Variants in ATAD1 observed in about 807,000 individuals in gnomAD.
ATAD1 encodes the protein outer mitochondrial transmembrane helix translocase.
ATAD1 carries 18 observed loss-of-function variants against 42.7 expected under a neutral mutation model. That is an observed-to-expected ratio of 0.42 (90% confidence interval 0.29 to 0.63). ATAD1 has a LOEUF of 0.63. Among genes scored for constraint, ATAD1 ranks in the 20% least tolerant of loss-of-function variants. ATAD1 has a pLI of 0.19. For missense variants in ATAD1, 294 were observed against 440.4 expected (o/e 0.67, Z 2.98); for synonymous variants, 132 against 143.1 (o/e 0.92, Z 0.55).
At chr10:87,768,133 C>T (rs1416181377) in intron 7 of ATAD1, among the ~76,000 whole-genome samples, 1 of 152,010 alleles carries the variant, frequency 6.6e-6, no homozygotes, top group Admixed American at 6.5e-5. Context: ...CTTCTCAGTT[C>T]CTCCATTTCC....
chr10:87,767,602 A>G, intron 8 of ATAD1, 71 bp downstream of exon 8: 1 of 1,392,774 alleles, frequency 7.2e-7, no homozygotes, highest in South Asian at 1.2e-5. Context: ...TTCCTTCCTC[A>G]TTTTTCTCTA....
chr10:87,768,761 T>C (rs1854886563), intron 7 of ATAD1, among the ~76,000 whole-genome samples: 1 of 152,202 alleles, frequency 6.6e-6, no homozygotes, highest in Admixed American at 6.5e-5. Flanking sequence ...CATGCTACTG[T>C]ATCCTATGTT....
upstream of ATAD1, chr10:87,818,301 C>T (rs1321004508): frequency 4.1e-6 from 4 of 977,258 alleles, no homozygotes; most frequent in South Asian, 4.7e-5. Flanking sequence ...CCGCGGTCGC[C>T]GGCGCGGAGG....
intron 2 of ATAD1, among the ~76,000 whole-genome samples, chr10:87,811,306 C>G (rs1035290860): frequency 6.7e-6 from 1 of 148,842 alleles, no homozygotes; most frequent in African/African-American, 2.5e-5. Flanking sequence ...GCACTCCAGC[C>G]TGTGCAACAC....
rs1855742104 is a variant in ATAD1, at chr10:87,784,690, T to G, written c.383-20A>C. 6.2e-7 allele frequency: 1 copy of G among 1,604,928 alleles called. No individual in the cohort carries two copies. On this transcript the variant is annotated intron_variant, in intron 4 of 9. Transcript: ENST00000680024. ...GAACACCTGGAAATGAATATGTTAT[T>G]TATTACCTTTAAGGGGATATTTGCT...
chr10:87,784,409 G>A, intron 5 of ATAD1, 61 bp downstream of exon 5: 1 of 1,491,440 alleles, frequency 6.7e-7, no homozygotes, highest in Non-Finnish European at 9.3e-7. Flanking sequence ...AACTAAATCT[G>A]GTTATCTAAA....
At chr10:87,793,590 T>C (rs902544492) in intron 2 of ATAD1, among the ~76,000 whole-genome samples, 4 of 152,160 alleles carry the variant, frequency 2.6e-5, no homozygotes, top group Admixed American at 2.0e-4. Context: ...AGAAACAAGA[T>C]ATGAATTCAA....
rs780482103 is a variant in ATAD1 at position 87,754,759 on chromosome 10, C to T, written c.1014G>A (p.Arg338=). 1.2e-6 allele frequency: 2 copies of T among 1,613,682 alleles called. No homozygotes were observed. Among genetic ancestry groups the T allele is most frequent in the East Asian group, 2.2e-5 (1 of 44,830 alleles). The part of the protein sequence containing the change: ...IRPVQQQDLH[R]AIEKMKKSKD... ...TTGATTTCTTCATCTTTTCAATTGC[C>T]CGATGCAGGTCCTGCTGTTGAACAG... is the stretch of plus-strand genomic sequence containing the variant. The change falls in exon 10 of 10, where the codon CGG becomes CGA. Residue 338 remains arginine, a synonymous_variant. Transcript: ENST00000680024.
intron 1 of ATAD1, among the ~76,000 whole-genome samples, chr10:87,829,608 A>C (rs1309059026): frequency 6.6e-6 from 1 of 152,206 alleles, no homozygotes; most frequent in Non-Finnish European, 1.5e-5. Flanking sequence ...GGGAGGTCAA[A>C]ATATTAACAT....
At chr10:87,812,243 C>A (rs967331333) in intron 2 of ATAD1, among the ~76,000 whole-genome samples, 1 of 152,060 alleles carries the variant, frequency 6.6e-6, no homozygotes, top group African/African-American at 2.4e-5. Flanking sequence ...TGAGTTAAGC[C>A]TACAGAAGTC....
chr10:87,762,301 G>A (rs1485561918), intron 8 of ATAD1, among the ~76,000 whole-genome samples: 2 of 152,150 alleles, frequency 1.3e-5, no homozygotes, highest in Non-Finnish European at 2.9e-5. Context: ...CTCCAAAATT[G>A]TAACTACCTT....
intron 2 of ATAD1, among the ~76,000 whole-genome samples, chr10:87,799,192 C>T (rs1856560563): frequency 6.6e-6 from 1 of 152,082 alleles, no homozygotes; most frequent in African/African-American, 2.4e-5. Context: ...TTTTTGTTTG[C>T]ATTTATTAAT....
chr10:87,804,804 A>G (rs566857040), intron 2 of ATAD1, among the ~76,000 whole-genome samples: 2 of 152,310 alleles, frequency 1.3e-5, no homozygotes, highest in South Asian at 4.1e-4. Context: ...TTCATCAAAA[A>G]CATAGCTTAT....
At chr10:87,804,855 G>A (rs1004325669) in intron 2 of ATAD1, among the ~76,000 whole-genome samples, 1 of 152,072 alleles carries the variant, frequency 6.6e-6, no homozygotes, top group African/African-American at 2.4e-5. Context: ...CCAAGCAGCA[G>A]TATGTGCCCA....
At chr10:87,819,202 G>A (rs917796799), upstream of ATAD1, 3 of 133,566 alleles carry the variant, frequency 2.2e-5, no homozygotes, top group Non-Finnish European at 4.6e-5. Context: ...CGAAGCGAGA[G>A]GATCACTTGA....
chr10:87,827,945 T>C (rs1008991606), intron 1 of ATAD1, among the ~76,000 whole-genome samples: 1 of 147,358 alleles, frequency 6.8e-6, no homozygotes, highest in South Asian at 2.1e-4. Flanking sequence ...GGAAAAGTGG[T>C]TTTTTTTGGT....
chr10:87,799,469 A>G (rs1856575098), intron 2 of ATAD1, among the ~76,000 whole-genome samples: 2 of 152,194 alleles, frequency 1.3e-5, no homozygotes, highest in African/African-American at 2.4e-5. Context: ...CTTTGTTTCA[A>G]AGCTAAACTA....
upstream of ATAD1, among the ~76,000 whole-genome samples, chr10:87,821,531 C>CA (rs1204035439): frequency 6.4e-4 from 93 of 145,656 alleles, no homozygotes; most frequent in Admixed American, 1.2e-3. Context: ...GATTCCATCT[C>CA]AAAAAAAAAA....
chr10:87,771,215 T>C (rs1265450796), intron 6 of ATAD1, among the ~76,000 whole-genome samples, 174 bp from the exon 7 acceptor site: 3 of 152,168 alleles, frequency 2.0e-5, no homozygotes, highest in South Asian at 2.1e-4. Flanking sequence ...TTGAAGTTAA[T>C]CCTAAATAAA....
Sources: gnomAD v4.1 joint callset for allele counts (sites outside exome capture counted in the v4.1 genomes callset) on GRCh38, gnomAD v4.1.1 for gene constraint, MANE v1.5 for transcripts, NCBI Gene and HGNC (gene_info 2026-07-23, HGNC 2026-07-21) for gene names.